TUSC3: variants seen among roughly 807,000 people sequenced by gnomAD.
TUSC3 encodes dolichyl-diphosphooligosaccharide--protein glycosyltransferase subunit TUSC3.
In TUSC3, 45 loss-of-function variants were observed where a neutral mutation model predicts 44.8. The ratio of observed to expected loss-of-function variants is 1.00; its 90% CI spans 0.79 to 1.29. The LOEUF (loss-of-function observed/expected upper bound fraction) is 1.29, where lower values mean the gene tolerates loss of function less well. Among genes scored for constraint, TUSC3 ranks in the 50% most tolerant of loss-of-function variants. The pLI is 0.00. For missense variants in TUSC3, 519 were observed against 437.9 expected, an observed-to-expected ratio of 1.19 and a Z score of -1.65; for synonymous variants, 212 against 152.9, an observed-to-expected ratio of 1.39 and a Z score of -2.85.
chr8:15,745,782 C>T (rs1465739973), intron 8 of TUSC3, among the ~76,000 whole-genome samples: 1 of 151,790 alleles, frequency 6.6e-6, no homozygotes, highest in Non-Finnish European at 1.5e-5. Flanking sequence ...GGTGCAGAGG[C>T]TCATTAATCA....
At chr8:15,770,748 A>T (rs1812427395), downstream of TUSC3, among the ~76,000 whole-genome samples, 1 of 152,148 alleles carries the variant, frequency 6.6e-6, no homozygotes, top group Non-Finnish European at 1.5e-5. Flanking sequence ...TGAGGAGGAG[A>T]CAAGGAAATA....
At chr8:15,818,412 G>T in the TUSC3 span, among the ~76,000 whole-genome samples, 1 of 151,956 alleles carries the variant, frequency 6.6e-6, no homozygotes, top group Non-Finnish European at 1.5e-5. Context: ...CTTTTAAGAC[G>T]CCTTCAAATG....
At chr8:15,675,448 T>G (rs975357156) in intron 6 of TUSC3, among the ~76,000 whole-genome samples, 1 of 152,150 alleles carries the variant, frequency 6.6e-6, no homozygotes, top group South Asian at 2.1e-4. Context: ...TTTTTTTTTC[T>G]TTGGTTGTTA....
chr8:15,538,187 G>A (rs1006700425), upstream of TUSC3, among the ~76,000 whole-genome samples: 3 of 152,154 alleles, frequency 2.0e-5, no homozygotes, highest in African/African-American at 4.8e-5. Context: ...ACCAAATAAG[G>A]CAAACGTAGC....
chr8:15,830,579 T>C, the TUSC3 span, among the ~76,000 whole-genome samples: 7 of 152,186 alleles, frequency 4.6e-5, no homozygotes, highest in South Asian at 2.1e-4. Context: ...TATGCAGCCA[T>C]AGAAAAGAAT....
chr8:15,828,922 C>T, the TUSC3 span, among the ~76,000 whole-genome samples: 1 of 152,122 alleles, frequency 6.6e-6, no homozygotes, highest in African/African-American at 2.4e-5. Context: ...AAAGAAAATA[C>T]ATGAATCCAT....
chr8:15,810,733 A>G, the TUSC3 span, among the ~76,000 whole-genome samples: 1 of 152,206 alleles, frequency 6.6e-6, no homozygotes, highest in African/African-American at 2.4e-5. Context: ...CATGGCCAGC[A>G]GATTGAAGTC....
At chr8:15,834,242 T>G in the TUSC3 span, among the ~76,000 whole-genome samples, 2 of 130,818 alleles carry the variant, frequency 1.5e-5, no homozygotes, top group African/African-American at 5.3e-5. Flanking sequence ...TAAAATTACT[T>G]TCTTCATATT....
chr8:15,788,228 A>G, the TUSC3 span, among the ~76,000 whole-genome samples: 163 of 152,094 alleles, frequency 1.1e-3, no homozygotes, highest in East Asian at 0.018. Flanking sequence ...ACATTAGAAT[A>G]CAAGCATTCT....
At chr8:15,604,838 C>T (rs1025952274) in intron 1 of TUSC3, among the ~76,000 whole-genome samples, 2 of 151,782 alleles carry the variant, frequency 1.3e-5, no homozygotes, top group African/African-American at 4.8e-5. Flanking sequence ...CAGAGAATCT[C>T]CAAACTTTAT....
chr8:15,720,235 G>GACACACACAC (rs1388010977), intron 6 of TUSC3, among the ~76,000 whole-genome samples: 3 of 141,802 alleles, frequency 2.1e-5, no homozygotes, highest in African/African-American at 7.9e-5. Context: ...CACACACACA[G>GACACACACAC]AGAGAACATT....
intron 2 of TUSC3, among the ~76,000 whole-genome samples, chr8:15,636,409 A>G (rs954474237): frequency 6.6e-6 from 1 of 152,152 alleles, no homozygotes; most frequent in African/African-American, 2.4e-5. Flanking sequence ...CATTTCCACA[A>G]GGAAAGCCTG....
intron 1 of TUSC3, among the ~76,000 whole-genome samples, chr8:15,608,603 T>A (rs540463156): frequency 2.0e-5 from 3 of 152,112 alleles, no homozygotes; most frequent in African/African-American, 7.2e-5. Flanking sequence ...GGGAGGTGAT[T>A]GGATTATGGG....
In TUSC3 at chr8:15,659,537, C is replaced by T. The variant is rs1181055452; in HGVS notation, c.457C>T (p.His153Tyr). The T allele has an allele frequency of 6.2e-7, 1 of 1,613,074 alleles. No individual in the cohort carries two copies. ...LNMNSAPTFM[H>Y]FPPKGRPKRA... ...CATGAACTCTGCTCCTACATTCATG[C>T]ATTTTCCTCCAAAAGGCAGACCTAA... The change falls in exon 4 of 11, where the codon CAT becomes TAT. Residue 153 changes from histidine (H) to tyrosine (Y), a missense_variant. Coordinates refer to ENST00000503731, the MANE Select transcript of TUSC3 (RefSeq NM_006765.4).
chr8:15,751,105 T>C (rs1449207203), intron 9 of TUSC3, among the ~76,000 whole-genome samples: 1 of 152,080 alleles, frequency 6.6e-6, no homozygotes, highest in Non-Finnish European at 1.5e-5. Flanking sequence ...ATTGTGTGGG[T>C]TTACGAGATT....
rs552679257 is a variant in TUSC3 at position 15,623,021 on chromosome 8, A to G, written c.139-59A>G. On this transcript the variant is annotated intron_variant, in intron 1 of 10. Coordinates refer to ENST00000503731, the MANE Select transcript of TUSC3 (RefSeq NM_006765.4). The stretch of plus-strand genomic sequence containing the variant: ...ATAAAACATTTTATGCATTTATATG[A>G]AATTCAAACAAAAGGACTTTGACTC... 21 of 1,546,962 alleles carry G rather than the reference A, an allele frequency of 1.4e-5. No homozygotes were observed. In the African/African-American group the frequency reaches 2.5e-4, roughly 18 times the overall value.
chr8:15,622,933 C>G (rs1408506272), intron 1 of TUSC3, 147 bp from the exon 2 acceptor site: 5 of 831,960 alleles, frequency 6.0e-6, no homozygotes, highest in East Asian at 2.7e-5. Flanking sequence ...TTCTATCTTT[C>G]TAGGAGCAGA....
At chr8:15,719,903 T>C (rs897761803) in intron 6 of TUSC3, among the ~76,000 whole-genome samples, 1 of 152,018 alleles carries the variant, frequency 6.6e-6, no homozygotes, top group Non-Finnish European at 1.5e-5. Flanking sequence ...ATGAGTATTG[T>C]GTTTAGTGCT....
At chr8:15,664,926 A>G (rs1258279554) in intron 5 of TUSC3, among the ~76,000 whole-genome samples, 1 of 151,128 alleles carries the variant, frequency 6.6e-6, no homozygotes, top group African/African-American at 2.4e-5. Flanking sequence ...TACCATCACC[A>G]CCAAACTTGA....
Sources: allele counts gnomAD v4.1 joint callset (sites outside exome capture counted in the v4.1 genomes callset), GRCh38; gene constraint gnomAD v4.1.1; transcripts MANE v1.5; gene names NCBI Gene and HGNC (gene_info 2026-07-23, HGNC 2026-07-21).